Variants in RAB11FIP1 observed in about 807,000 individuals in gnomAD.
RAB11FIP1 encodes the protein rab11 family-interacting protein 1.
In RAB11FIP1, 49 loss-of-function variants were observed where a neutral mutation model predicts 83.1. The observed-to-expected ratio is 0.59, with a 90% CI of 0.47 to 0.75. The LOEUF (loss-of-function observed/expected upper bound fraction) is 0.75. Ranked by LOEUF, RAB11FIP1 falls within the 30% of genes least tolerant of loss-of-function variation. RAB11FIP1 has a pLI of 0.00. For missense variants in RAB11FIP1, 1,536 were observed against 1,598.7 expected, an observed-to-expected ratio of 0.96 and a Z score of 0.67; for synonymous variants, 670 against 656.0, an observed-to-expected ratio of 1.02 and a Z score of -0.33.
At chr8:37,871,167 G>T in intron 4 of RAB11FIP1, 111 bp downstream of exon 4, 1 of 1,398,018 alleles carries the variant, frequency 7.2e-7, no homozygotes, top group Non-Finnish European at 9.6e-7. Context: ...ACAGTGACAG[G>T]TGGGTTGTCA....
intron 1 of RAB11FIP1, among the ~76,000 whole-genome samples, chr8:37,887,737 G>T (rs1260217601): frequency 6.6e-6 from 1 of 152,170 alleles, no homozygotes. Flanking sequence ...ATGTTAGGAA[G>T]ATTAAATGGC....
intron 5 of RAB11FIP1, among the ~76,000 whole-genome samples, chr8:37,865,038 C>T (rs540023781): frequency 1.3e-5 from 2 of 151,434 alleles, no homozygotes; most frequent in African/African-American, 4.9e-5. Context: ...CAAAATGCTG[C>T]GACTACAGGC....
chr8:37,887,017 T>C (rs1002757152), intron 1 of RAB11FIP1, among the ~76,000 whole-genome samples: 1 of 152,172 alleles, frequency 6.6e-6, no homozygotes, highest in Non-Finnish European at 1.5e-5. Flanking sequence ...TTGAAGAAGG[T>C]AGCTAGTCAT....
chr8:37,872,729 C>T lies in RAB11FIP1; in HGVS notation c.2073G>A (p.Glu691=). The T allele has an allele frequency of 6.2e-7, 1 of 1,614,234 alleles. No homozygotes were observed. Among genetic ancestry groups the T allele is most frequent in the Non-Finnish European group, 8.5e-7 (1 of 1,180,036 alleles). Residue 691 remains glutamate, a synonymous_variant, in exon 4 of 6, where the codon GAG becomes GAA. Transcript: ENST00000330843. The part of the protein sequence containing the change: ...EKNTSSLELE[E]SLPEQPETGR... The stretch of plus-strand genomic sequence containing the variant: ...CTGTTTCAGGCTGCTCTGGGAGAGA[C>T]TCCTCCAACTCAAGGCTGCTGGTGT...
chr8:37,888,387 G>A lies in RAB11FIP1; in HGVS notation c.371+10684C>T, dbSNP rs113711379. ...CTCCCAAAGTGCTGGGATTACAGGC[G>A]TGAGACACCACACCTAGCTACATTT... On this transcript the variant is annotated intron_variant, in intron 1 of 5. Coordinates refer to ENST00000330843, the MANE Select transcript of RAB11FIP1 (RefSeq NM_001002814.3). Among the ~76,000 whole-genome samples the A allele has an allele frequency of 5.6e-3, 857 of 152,114 alleles. 3 individuals carry two copies. The highest frequency in any genetic ancestry group is 0.02 in the African/African-American group (820 of 41,490).
rs1806200709 is a variant in RAB11FIP1 at position 37,859,792 on chromosome 8, G to C, written c.*3103C>G. The C allele has an allele frequency of 6.6e-6, 1 of 152,174 alleles. No individual in the cohort carries two copies. The highest frequency in any genetic ancestry group is 2.1e-4 in the South Asian group (1 of 4,828). 9.4% of individuals were successfully genotyped at this position (152,174 alleles called of 1,614,324 possible). On this transcript the variant is annotated 3_prime_UTR_variant, in exon 6 of 6. Coordinates refer to ENST00000330843, the MANE Select transcript of RAB11FIP1 (RefSeq NM_001002814.3). ...CACAGCAGCCTCCCAGGGCCTGTCA[G>C]CATCTGCAGCAGCTGGAAGGAGGTC...
intron 1 of RAB11FIP1, among the ~76,000 whole-genome samples, chr8:37,884,042 TTTTATTTATTTA>T (rs74283501): frequency 7.9e-5 from 12 of 151,416 alleles, no homozygotes; most frequent in African/African-American, 1.7e-4. Flanking sequence ...AGTGACATAA[TTTTATTTATTTA>T]TTTATTTATT....
In RAB11FIP1 at chr8:37,871,989, A is replaced by G. The variant is rs1373081969; in HGVS notation, c.2813T>C (p.Leu938Ser). ...SDHEGLLSDPLSDLQLVSDFK... is the reference protein window; with the variant it reads ...SDHEGLLSDPSSDLQLVSDFK... ...ATCTGAGACCAACTGAAGGTCACTC[A>G]AGGGGTCAGACAATAAACCTTCGTG... is the stretch of plus-strand genomic sequence containing the variant. Residue 938 changes from leucine (L) to serine (S), a missense_variant, in exon 4 of 6, where the codon TTG becomes TCG. Coordinates refer to ENST00000330843, the MANE Select transcript of RAB11FIP1 (RefSeq NM_001002814.3). 20 of 1,614,192 alleles carry G rather than the reference A, an allele frequency of 1.2e-5. No homozygotes were observed. Among genetic ancestry groups the G allele is most frequent in the Non-Finnish European group, 1.6e-5 (19 of 1,180,034 alleles).
chr8:37,880,913 C>T (rs1356862374), intron 1 of RAB11FIP1, among the ~76,000 whole-genome samples: 2 of 152,188 alleles, frequency 1.3e-5, no homozygotes, highest in African/African-American at 4.8e-5. Context: ...TTTTCGGTGA[C>T]CTATTTAAGA....
Position 37,873,148 on chromosome 8 carries a change from C to A in RAB11FIP1, c.1654G>T (p.Ala552Ser). Residue 552 changes from alanine (A) to serine (S), a missense_variant, in exon 4 of 6, where the codon GCC (alanine) becomes TCC (serine). By Grantham distance (99) the Ala-to-Ser change is moderately conservative. Coordinates refer to ENST00000330843, the MANE Select transcript of RAB11FIP1 (RefSeq NM_001002814.3). ...GAGTCAGTAGGGGAAGGAAGCCTGGCTGTGGGTTGCGCCTCTGGAGACACT... is the reference window on the plus strand; with the variant it reads ...GAGTCAGTAGGGGAAGGAAGCCTGGATGTGGGTTGCGCCTCTGGAGACACT... ...LEVSPEAQPT[A>S]RLPSPTDSPS... is the part of the protein sequence containing the mutation. 6.2e-7 allele frequency: 1 copy of A among 1,606,164 alleles called. No individual in the cohort carries two copies.
intron 1 of RAB11FIP1, among the ~76,000 whole-genome samples, chr8:37,889,242 A>T (rs1368091273): frequency 6.6e-6 from 1 of 152,184 alleles, no homozygotes; most frequent in African/African-American, 2.4e-5. Context: ...ATGAATCAAG[A>T]TAGGTTTTCT....
rs952738409 is a variant in RAB11FIP1 at position 37,859,821 on chromosome 8, G to C, written c.*3074C>G. On this transcript the variant is annotated 3_prime_UTR_variant, in exon 6 of 6. Transcript: ENST00000330843. ...CTGCAGCAGCTGGAAGGAGGTCCCA[G>C]CTCTTCTGAGACATAGGCCATTTGT... 5.3e-5 allele frequency: 8 copies of C among 152,308 alleles called. No homozygotes were observed. Among genetic ancestry groups the C allele is most frequent in the East Asian group, 3.9e-4 (2 of 5,180 alleles). The allele number at this position is 152,308 out of a possible 1,614,324, so 9.4% of individuals were successfully genotyped here.
At chr8:37,886,577 C>G (rs1401260321) in intron 1 of RAB11FIP1, among the ~76,000 whole-genome samples, 4 of 152,190 alleles carry the variant, frequency 2.6e-5, no homozygotes, top group African/African-American at 9.7e-5. Context: ...GTGAGGACTG[C>G]CTACTTCCTT....
chr8:37,898,576 C>G (rs972429414), intron 1 of RAB11FIP1, among the ~76,000 whole-genome samples: 6 of 151,364 alleles, frequency 4.0e-5, no homozygotes, highest in African/African-American at 1.5e-4. Flanking sequence ...TCGCTTGAAC[C>G]CAGGAGGCGG....
At chr8:37,865,052 AG>A (rs1309566286) in intron 5 of RAB11FIP1, among the ~76,000 whole-genome samples, 2 of 151,988 alleles carry the variant, frequency 1.3e-5, no homozygotes, top group Non-Finnish European at 2.9e-5. Context: ...TACAGGCATG[AG>A]CCACCACACC....
chr8:37,877,809 T>A (rs376995237), intron 1 of RAB11FIP1: 2 of 326,050 alleles, frequency 6.1e-6, no homozygotes, highest in South Asian at 9.0e-5. Context: ...AGCCTCTGCC[T>A]CCTGGGTTCA....
At position 37,882,375 on chromosome 8, in the gene RAB11FIP1, T is replaced by C. The variant is rs145001774; in HGVS notation, c.372-4824A>G. Among the ~76,000 whole-genome samples, 38 of 152,340 alleles carry C rather than the reference T, an allele frequency of 2.5e-4. No homozygotes were observed. The East Asian group carries it at 7.3e-3, about 29-fold the overall frequency. On this transcript the variant is annotated intron_variant, in intron 1 of 5. Coordinates refer to ENST00000330843, the MANE Select transcript of RAB11FIP1 (RefSeq NM_001002814.3). ...CAAACAGACCCAGACTTGGGAGTGT[T>C]CTAATATCCCCAAATCTGGAGAACA...
chr8:37,888,784 C>G (rs1445920351), intron 1 of RAB11FIP1, among the ~76,000 whole-genome samples: 3 of 145,782 alleles, frequency 2.1e-5, no homozygotes, highest in African/African-American at 7.6e-5. Flanking sequence ...TGTATACGTT[C>G]TGCAACTTTT....
chr8:37,862,337 A>G lies in RAB11FIP1; in HGVS notation c.*558T>C, dbSNP rs1806253514. On this transcript the variant is annotated 3_prime_UTR_variant, in exon 6 of 6. Transcript: ENST00000330843. ...TCTCTAAACACCTCTGTTCCCATCA[A>G]AAAACAAGACCCAAGTCTGAGAAGC... 1 of 153,320 alleles carries G rather than the reference A, an allele frequency of 6.5e-6. No individual in the cohort carries two copies. Among genetic ancestry groups the G allele is most frequent in the African/African-American group, 2.4e-5 (1 of 41,450 alleles). 9.5% of individuals were successfully genotyped at this position (153,320 alleles called of 1,614,324 possible). A position where few individuals can be genotyped will look rare whatever the true frequency, so the allele number is the denominator to read the frequency against.
Sources: gnomAD v4.1 joint callset for allele counts (sites outside exome capture counted in the v4.1 genomes callset) on GRCh38, gnomAD v4.1.1 for gene constraint, MANE v1.5 for transcripts, NCBI Gene and HGNC (gene_info 2026-07-23, HGNC 2026-07-21) for gene names.